The following PAXBP1 variants were observed in gnomAD, a reference collection of about 807,000 sequenced individuals.
The protein encoded by PAXBP1 is PAX3 and PAX7 binding protein 1, also known as PAX3- and PAX7-binding protein 1.
PAXBP1 carries 44 observed loss-of-function variants against 119.9 expected under a neutral mutation model. That is an observed-to-expected ratio of 0.37 (90% CI 0.29 to 0.47). The LOEUF (loss-of-function observed/expected upper bound fraction) is 0.47. Among genes scored for constraint, PAXBP1 ranks in the 20% least tolerant of loss-of-function variants. PAXBP1 has a pLI of 0.99. For synonymous variants in PAXBP1, 393 were observed against 406.6 expected (o/e 0.97, Z 0.40); for missense variants, 898 against 1,134.1 (o/e 0.79, Z 2.99).
rs374674342 is a variant in PAXBP1, at chr21:32,748,602, G to A, written c.1820C>T (p.Ser607Leu). 3.1e-6 allele frequency: 5 copies of A among 1,613,922 alleles called. No homozygotes were observed. The highest frequency in any genetic ancestry group is 4.2e-6 in the Non-Finnish European group (5 of 1,179,968). ...ATCTTTGTAGGATGTGTAGTATTTT[G>A]AACGCCATGCTTCAAACTGTGATTT... is the stretch of plus-strand genomic sequence containing the variant. ...CIKSQFEAWR[S>L]KYYTSYKDAY... Residue 607 changes from serine to leucine, a missense_variant, in exon 11 of 18, where the codon TCA becomes TTA. Ser to Leu is a moderately radical substitution (Grantham distance 145). This residue lies in a region of PAXBP1 where 599 missense variants were observed against 852.7 expected (regional missense o/e 0.70). Transcript: ENST00000331923.
chr21:32,748,476 T>C (rs761093984), intron 11 of PAXBP1, 23 bp downstream of exon 11: 6 of 1,587,682 alleles, frequency 3.8e-6, no homozygotes, highest in African/African-American at 1.4e-5. Context: ...TAACACTTTC[T>C]AATAGTGACA....
intron 3 of PAXBP1, 79 bp downstream of exon 3, chr21:32,764,269 C>A: frequency 7.2e-7 from 1 of 1,381,708 alleles, no homozygotes; most frequent in Non-Finnish European, 1.0e-6. Context: ...TCAGCTAATT[C>A]CTTCTTAATA....
At position 32,748,566 on chromosome 21, in the gene PAXBP1, C is replaced by T; in HGVS notation, c.1856G>A (p.Gly619Asp). The T allele has an allele frequency of 6.2e-7, 1 of 1,613,906 alleles. No homozygotes were observed. Among genetic ancestry groups the T allele is most frequent in the African/African-American group, 1.3e-5 (1 of 75,006 alleles). Reference protein sequence around the residue: ...YYTSYKDAYIGLCLPKLFNPL... With the variant: ...YYTSYKDAYIDLCLPKLFNPL... ...GTTGAATAATTTTGGCAAACAAAGG[C>T]CAATGTAAGCATCTTTGTAGGATGT... Residue 619 changes from glycine (G) to aspartate (D), a missense_variant, in exon 11 of 18, where the codon GGC becomes GAC. Gly to Asp is a moderately conservative substitution (Grantham distance 94). Transcript: ENST00000331923.
At chr21:32,752,374 TCCCTC>T (rs779610611) in intron 8 of PAXBP1, among the ~76,000 whole-genome samples, 101 of 151,370 alleles carry the variant, frequency 6.7e-4, no homozygotes, top group Non-Finnish European at 1.2e-3. Context: ...CCACTATACT[TCCCTC>T]ATTTCTACGT....
At chr21:32,752,648 T>C (rs114383383) in intron 8 of PAXBP1, among the ~76,000 whole-genome samples, 1,954 of 152,254 alleles carry the variant, frequency 0.013, 50 homozygotes, top group African/African-American at 0.044. Context: ...ATCTATCTAT[T>C]TATTTATTGA....
At chr21:32,756,162 A>T in intron 7 of PAXBP1, 1 of 382,968 alleles carries the variant, frequency 2.6e-6, no homozygotes, top group Non-Finnish European at 5.1e-6. Flanking sequence ...ATGAGAGCTA[A>T]CTTAAAACAG....
chr21:32,753,050 T>C (rs879705554), intron 8 of PAXBP1, among the ~76,000 whole-genome samples: 1 of 152,114 alleles, frequency 6.6e-6, no homozygotes, highest in Admixed American at 6.5e-5. Flanking sequence ...ACCAGAAAGA[T>C]TTCCCAGCCC....
At chr21:32,762,432 C>G (rs899221053) in intron 3 of PAXBP1, 115 bp from the exon 4 acceptor site, 63 of 1,343,898 alleles carry the variant, frequency 4.7e-5, no homozygotes, top group Non-Finnish European at 6.0e-5. Context: ...GTTTCAGCTG[C>G]TGGCACCTCC....
In PAXBP1 at chr21:32,764,477, C is replaced by A; in HGVS notation, c.520G>T (p.Glu174Ter). The A allele has an allele frequency of 6.2e-7, 1 of 1,613,698 alleles. No individual in the cohort carries two copies. Among genetic ancestry groups the A allele is most frequent in the Non-Finnish European group, 8.5e-7 (1 of 1,179,812 alleles). Residue 174 changes from glutamate to a stop codon, truncating the protein, a stop_gained, in exon 3 of 18, where the codon GAA becomes TAA. Coordinates refer to ENST00000331923, the MANE Select transcript of PAXBP1 (RefSeq NM_016631.4). LOFTEE classifies it high-confidence loss of function. ...KTGHVKDTNQ[E>*]DGVIISEHGE... Reference sequence around the variant, plus strand: ...TGTTCACTGATGATAACTCCATCTTCTTGATTTGTATCCTTAACATGTCCT... The same window carrying A: ...TGTTCACTGATGATAACTCCATCTTATTGATTTGTATCCTTAACATGTCCT...
chr21:32,745,855 T>G (rs2043864075), intron 11 of PAXBP1, 137 bp from the exon 12 acceptor site: 2 of 1,029,128 alleles, frequency 1.9e-6, no homozygotes, highest in African/African-American at 1.6e-5. Context: ...GATATCATGC[T>G]ACCAGACTTC....
rs201149494 is a variant in PAXBP1 at position 32,738,233 on chromosome 21, A to G, written c.2421T>C (p.Tyr807=). 20 of 1,603,814 alleles carry G rather than the reference A, an allele frequency of 1.2e-5. No individual in the cohort carries two copies. The African/African-American group carries it at 1.3e-4, about 11-fold the overall frequency. The change falls in exon 16 of 18, where the codon TAT becomes TAC. Residue 807 remains tyrosine, a synonymous_variant. Coordinates refer to ENST00000331923, the MANE Select transcript of PAXBP1 (RefSeq NM_016631.4). ...CTGAATTCTGAAAAGCCATGAGAAT[A>G]TATCGATTTAATAAACCATCTATTG... The part of the protein sequence containing the change: ...ELSIDGLLNR[Y]ILMAFQNSEY...
At chr21:32,770,010 G>A in intron 1 of PAXBP1, 68 bp from the exon 2 acceptor site, 2 of 1,197,808 alleles carry the variant, frequency 1.7e-6, no homozygotes, top group Non-Finnish European at 2.3e-6. Context: ...TCTTTCACAT[G>A]ATCTTACGTG....
At chr21:32,743,649 T>C in intron 14 of PAXBP1, 29 bp downstream of exon 14, 1 of 1,457,818 alleles carries the variant, frequency 6.9e-7, no homozygotes, top group Non-Finnish European at 9.6e-7. Context: ...TGGAGAATAT[T>C]ATCTTTAATG....
At chr21:32,761,425 G>C (rs1350380699) in intron 4 of PAXBP1, among the ~76,000 whole-genome samples, 1 of 152,098 alleles carries the variant, frequency 6.6e-6, no homozygotes, top group Non-Finnish European at 1.5e-5. Flanking sequence ...ATCAACAAAG[G>C]GAACAAAATC....
chr21:32,754,639 A>G (rs902282033), intron 8 of PAXBP1, among the ~76,000 whole-genome samples: 9 of 152,240 alleles, frequency 5.9e-5, no homozygotes, highest in African/African-American at 1.9e-4. Context: ...AAATTTCAAG[A>G]ATTGTAAGCA....
chr21:32,771,712 GGCCCCGGCAGCGCCGAGCTCGTGACGGC>G lies in PAXBP1; in HGVS notation c.-72_-45del. The stretch of plus-strand genomic sequence containing the variant: ...GGTCGAATACTCGCTTCCACACCGC[GGCCCCGGCAGCGCCGAGCTCGTGACGGC>G]GCACGCGCGCTCTCCGGAGCTCCAG... On this transcript the variant is annotated 5_prime_UTR_variant, in exon 1 of 18. Transcript: ENST00000331923. 1 of 1,337,340 alleles carries G rather than the reference GGCCCCGGCAGCGCCGAGCTCGTGACGGC, an allele frequency of 7.5e-7. No individual in the cohort carries two copies. Among genetic ancestry groups the G allele is most frequent in the Non-Finnish European group, 9.6e-7 (1 of 1,042,556 alleles). The allele number at this position is 1,337,340 out of a possible 1,614,324, so 82.8% of individuals were successfully genotyped here. A position where few individuals can be genotyped will look rare whatever the true frequency, so the allele number is the denominator to read the frequency against.
intron 8 of PAXBP1, among the ~76,000 whole-genome samples, chr21:32,753,282 C>T (rs992419338): frequency 1.3e-5 from 2 of 151,876 alleles, no homozygotes; most frequent in Admixed American, 1.3e-4. Context: ...CATGGTGAAA[C>T]CCCGTCTCTA....
Position 32,771,732 on chromosome 21 carries a change from C to T in PAXBP1, c.-64G>A. On this transcript the variant is annotated 5_prime_UTR_variant, in exon 1 of 18. Coordinates refer to ENST00000331923, the MANE Select transcript of PAXBP1 (RefSeq NM_016631.4). The stretch of plus-strand genomic sequence containing the variant: ...ACCGCGGCCCCGGCAGCGCCGAGCT[C>T]GTGACGGCGCACGCGCGCTCTCCGG... 2 of 1,282,214 alleles carry T rather than the reference C, an allele frequency of 1.6e-6. No homozygotes were observed. The highest frequency in any genetic ancestry group is 2.0e-6 in the Non-Finnish European group (2 of 1,001,706). The allele number at this position is 1,282,214 out of a possible 1,614,324, so 79.4% of individuals were successfully genotyped here.
At chr21:32,747,757 G>A (rs549760900) in intron 11 of PAXBP1, among the ~76,000 whole-genome samples, 7 of 151,648 alleles carry the variant, frequency 4.6e-5, no homozygotes, top group African/African-American at 1.7e-4. Flanking sequence ...TTATATGACA[G>A]GCCAATAGGT....
Sources: gnomAD v4.1 joint callset for allele counts (sites outside exome capture counted in the v4.1 genomes callset) on GRCh38, gnomAD v4.1.1 for gene constraint, gnomAD v4.1.1 regional missense constraint, MANE v1.5 for transcripts, NCBI Gene and HGNC (gene_info 2026-07-23, HGNC 2026-07-21) for gene names.